LRRC27: variants seen among roughly 807,000 people sequenced by gnomAD.
LRRC27 encodes the protein leucine rich repeat containing 27.
A neutral mutation model predicts 55.0 loss-of-function variants in LRRC27; 57 were observed. The observed-to-expected ratio is 1.04, with a 90% CI of 0.84 to 1.29. The LOEUF (loss-of-function observed/expected upper bound fraction) is 1.29. Ranked by LOEUF, LRRC27 falls within the 50% of genes most tolerant of loss-of-function variation. LRRC27 has a pLI of 0.00. For synonymous variants in LRRC27, 278 were observed against 251.9 expected (o/e 1.10, Z -0.98); for missense variants, 721 against 651.5 (o/e 1.11, Z -1.16).
At chr10:132,373,073 T>C (rs928520220) in intron 10 of LRRC27, among the ~76,000 whole-genome samples, 1 of 152,168 alleles carries the variant, frequency 6.6e-6, no homozygotes, top group Non-Finnish European at 1.5e-5. Flanking sequence ...CCCGTAGGAA[T>C]AGACAAGTCT....
In LRRC27 at chr10:132,336,835, A is replaced by T. The variant is rs374972417; in HGVS notation, c.211-730A>T. On this transcript the variant is annotated intron_variant, in intron 2 of 10. Transcript: ENST00000368614. ...TATAAATACATATAATAATGTGAGT[A>T]TAAACAACTAGCAGCATTAATGACA... is the stretch of plus-strand genomic sequence containing the variant. 8.0e-6 allele frequency: 6 copies of T among 753,436 alleles called. No individual in the cohort carries two copies. In the African/African-American group the frequency reaches 1.0e-4, roughly 13 times the overall value. 46.7% of individuals were successfully genotyped at this position (753,436 alleles called of 1,614,324 possible).
rs752080012 is a variant in LRRC27 at position 132,351,735 on chromosome 10, T to A, written c.1055T>A (p.Leu352Gln). ...CGAGAGCTCCAGGAGAAGCAGGCTC[T>A]GATGGAGCAGCAGAGACGGTGAGTC... is the stretch of plus-strand genomic sequence containing the variant. Reference protein sequence around the residue: ...ALRELQEKQALMEQQRREKRA... With the variant: ...ALRELQEKQAQMEQQRREKRA... The change falls in exon 7 of 11, where the codon CTG (leucine) becomes CAG (glutamine). Residue 352 changes from leucine (L) to glutamine (Q), a missense_variant. Coordinates refer to ENST00000368614, the MANE Select transcript of LRRC27 (RefSeq NM_030626.3). 1 of 1,612,842 alleles carries A rather than the reference T, an allele frequency of 6.2e-7. No homozygotes were observed. The highest frequency in any genetic ancestry group is 8.5e-7 in the Non-Finnish European group (1 of 1,179,682).
intron 8 of LRRC27, among the ~76,000 whole-genome samples, chr10:132,360,012 G>A (rs2068536205): frequency 6.6e-6 from 1 of 152,196 alleles, no homozygotes; most frequent in Non-Finnish European, 1.5e-5. Flanking sequence ...GGAGTAAAAT[G>A]TGGATGGGTG....
At chr10:132,331,114 T>G (rs1009589400), upstream of LRRC27, among the ~76,000 whole-genome samples, 1 of 146,806 alleles carries the variant, frequency 6.8e-6, no homozygotes, top group African/African-American at 2.5e-5. Context: ...GGCAGGAGAA[T>G]TGCTTGAACC....
upstream of LRRC27, chr10:132,331,778 T>C: frequency 6.2e-7 from 1 of 1,608,132 alleles, no homozygotes; most frequent in Non-Finnish European, 8.5e-7. Context: ...CGGTCGCCCC[T>C]CCAGACCCTC....
chr10:132,354,993 C>T (rs762966182), intron 7 of LRRC27, among the ~76,000 whole-genome samples: 3 of 152,210 alleles, frequency 2.0e-5, no homozygotes, highest in Non-Finnish European at 2.9e-5. Flanking sequence ...TCGGGACGTT[C>T]GCAGCCCTGG....
intron 7 of LRRC27, among the ~76,000 whole-genome samples, chr10:132,354,215 T>C (rs1038289971): frequency 1.3e-5 from 2 of 152,224 alleles, no homozygotes; most frequent in Non-Finnish European, 2.9e-5. Flanking sequence ...GAGAAGTTCT[T>C]GGATACAAAG....
chr10:132,333,532 G>C lies in LRRC27; in HGVS notation c.8G>C (p.Gly3Ala), dbSNP rs745330910. The change falls in exon 2 of 11, where the codon GGA becomes GCA. Residue 3 changes from glycine (G) to alanine (A), a missense_variant. Transcript: ENST00000368614. The stretch of plus-strand genomic sequence containing the variant: ...GTCCCTGGAAGAGAACGGATGGAGG[G>C]AAGCAGCTCCTACGAAGTTCCCTCT... ME[G>A]SSSYEVPSVA... 2.5e-6 allele frequency: 4 copies of C among 1,600,014 alleles called. No homozygotes were observed. The Admixed American group carries it at 6.8e-5, about 27-fold the overall frequency.
intron 9 of LRRC27, among the ~76,000 whole-genome samples, chr10:132,362,228 G>A (rs2068657101): frequency 6.6e-6 from 1 of 152,166 alleles, no homozygotes; most frequent in African/African-American, 2.4e-5. Flanking sequence ...TGTCATCCCC[G>A]GGAAAGGCAG....
rs147938558 is a variant in LRRC27 at position 132,351,775 on chromosome 10, G to A, written c.1073+22G>A. ...GACGGTGAGTCCACACAGGGTGGGG[G>A]TCCGCACAGCCCGCCCAGTGCACCC... is the stretch of plus-strand genomic sequence containing the variant. On this transcript the variant is annotated intron_variant, in intron 7 of 10. Transcript: ENST00000368614. The A allele has an allele frequency of 7.4e-4, 1,186 of 1,595,322 alleles. 5 individuals carry two copies. Among genetic ancestry groups the A allele is most frequent in the Non-Finnish European group, 7.9e-4 (926 of 1,170,322 alleles).
At chr10:132,354,355 C>T (rs928704912) in intron 7 of LRRC27, among the ~76,000 whole-genome samples, 1 of 152,230 alleles carries the variant, frequency 6.6e-6, no homozygotes, top group Admixed American at 6.5e-5. Flanking sequence ...TCACATCACC[C>T]TGTGGACAGC....
chr10:132,342,135 A>C, intron 3 of LRRC27, 78 bp from the exon 4 acceptor site: 1 of 903,048 alleles, frequency 1.1e-6, no homozygotes, highest in Admixed American at 2.8e-5. Context: ...AGAAAAATGA[A>C]GAAACTTGAT....
chr10:132,365,272 C>T, intron 9 of LRRC27, 152 bp from the exon 10 acceptor site: 14 of 1,071,944 alleles, frequency 1.3e-5, no homozygotes, highest in South Asian at 6.9e-5. Context: ...CCCAGGGCAG[C>T]GCCACAGTAA....
intron 7 of LRRC27, among the ~76,000 whole-genome samples, chr10:132,352,010 GT>G (rs2068040755): frequency 8.3e-6 from 1 of 119,880 alleles, no homozygotes; most frequent in African/African-American, 3.9e-5. Flanking sequence ...AGCGCTCCGT[GT>G]GGGGCAGGCG....
chr10:132,331,325 G>A (rs2066720468), upstream of LRRC27: 1 of 1,058,342 alleles, frequency 9.4e-7, no homozygotes, highest in South Asian at 1.6e-5. Flanking sequence ...ATCCTGGAAT[G>A]AAGGTGCACG....
chr10:132,333,265 A>G (rs372735515), intron 1 of LRRC27, among the ~76,000 whole-genome samples: 1 of 151,058 alleles, frequency 6.6e-6, no homozygotes, highest in Admixed American at 6.6e-5. Context: ...TTGGAACTCC[A>G]TTGTACAAAG....
At chr10:132,367,956 TC>T (rs1469700508) in intron 10 of LRRC27, among the ~76,000 whole-genome samples, 1 of 152,162 alleles carries the variant, frequency 6.6e-6, no homozygotes, top group Non-Finnish European at 1.5e-5. Context: ...ATGTAGGAAA[TC>T]CCAAAGAATT....
chr10:132,351,644 C>T lies in LRRC27; in HGVS notation c.964C>T (p.Leu322Phe). 1 of 1,614,136 alleles carries T rather than the reference C, an allele frequency of 6.2e-7. No homozygotes were observed. Among genetic ancestry groups the T allele is most frequent in the South Asian group, 1.1e-5 (1 of 91,082 alleles). ...TASSRSILPDLLSPYQMAIRA... is the reference protein window; with the variant it reads ...TASSRSILPDFLSPYQMAIRA... ...CTCCTCCAGGAGCATCTTACCCGAC[C>T]TCTTGTCACCGTACCAAATGGCGAT... The change falls in exon 7 of 11, where the codon CTC (leucine) becomes TTC (phenylalanine). Residue 322 changes from leucine to phenylalanine, a missense_variant. Transcript: ENST00000368614.
rs2068280274 is a variant in LRRC27 at position 132,355,794 on chromosome 10, A to G, written c.1078A>G (p.Lys360Glu). Reference sequence around the variant, plus strand: ...ATTAACCTTCCCTTTCTCCAGAGAGAAAAGGGCACTGCAGGAGTGGAGAGA... The same window carrying G: ...ATTAACCTTCCCTTTCTCCAGAGAGGAAAGGGCACTGCAGGAGTGGAGAGA... ...QALMEQQRRE[K>E]RALQEWRERA... Residue 360 changes from lysine (K) to glutamate (E), a missense_variant, in exon 8 of 11, where the codon AAA (lysine) becomes GAA (glutamate). Lys to Glu is a moderately conservative substitution (Grantham distance 56). Transcript: ENST00000368614. The G allele has an allele frequency of 3.9e-6, 6 of 1,550,638 alleles. No individual in the cohort carries two copies. In the South Asian group the frequency reaches 5.9e-5, roughly 15 times the overall value.
Sources: gnomAD v4.1 joint callset for allele counts (sites outside exome capture counted in the v4.1 genomes callset) on GRCh38, gnomAD v4.1.1 for gene constraint, MANE v1.5 for transcripts, NCBI Gene and HGNC (gene_info 2026-07-23, HGNC 2026-07-21) for gene names.